NELL1: variants seen among roughly 807,000 people sequenced by gnomAD.
The protein encoded by NELL1 is protein kinase C-binding protein NELL1.
In NELL1, 76 loss-of-function variants were observed where a neutral mutation model predicts 107.4. That is an observed-to-expected ratio of 0.71 (90% CI 0.59 to 0.86). The LOEUF (loss-of-function observed/expected upper bound fraction) is 0.86, where lower values mean the gene tolerates loss of function less well. NELL1 is among the 40% of genes least tolerant of loss of function. The pLI is 0.00. For synonymous variants in NELL1, 353 were observed against 341.2 expected (o/e 1.03, Z -0.38); for missense variants, 1,024 against 1,005.5 (o/e 1.02, Z -0.25).
At chr11:21,413,941 A>G (rs1208169525) in intron 15 of NELL1, among the ~76,000 whole-genome samples, 1 of 152,098 alleles carries the variant, frequency 6.6e-6, no homozygotes, top group Non-Finnish European at 1.5e-5. Context: ...AGAGGAAATA[A>G]TAGAATGATC....
intron 2 of NELL1, among the ~76,000 whole-genome samples, chr11:20,743,075 G>A (rs1168653082): frequency 6.6e-6 from 1 of 151,954 alleles, no homozygotes; most frequent in Non-Finnish European, 1.5e-5. Flanking sequence ...GACTCTGGGT[G>A]GGCACGGGAG....
intron 14 of NELL1, among the ~76,000 whole-genome samples, chr11:21,268,231 T>A (rs563346114): frequency 2.0e-5 from 3 of 152,110 alleles, no homozygotes; most frequent in Non-Finnish European, 4.4e-5. Context: ...TAAAACTCCA[T>A]AGGGTCGGAG....
chr11:20,751,025 G>A (rs200054489), intron 2 of NELL1, among the ~76,000 whole-genome samples: 1 of 134,386 alleles, frequency 7.4e-6, no homozygotes, highest in Non-Finnish European at 1.6e-5. Context: ...ATTTGTCTAT[G>A]TGTGTGTGTG....
chr11:21,438,081 C>G (rs1853175377), intron 15 of NELL1, among the ~76,000 whole-genome samples: 1 of 152,028 alleles, frequency 6.6e-6, no homozygotes, highest in East Asian at 1.9e-4. Flanking sequence ...TTTATACTTT[C>G]TGTGTGATTT....
chr11:20,993,599 A>C (rs990090922), intron 12 of NELL1, among the ~76,000 whole-genome samples: 1 of 152,206 alleles, frequency 6.6e-6, no homozygotes, highest in East Asian at 1.9e-4. Context: ...CGGATGTTCA[A>C]GTCTTGGACA....
At chr11:21,101,736 T>C (rs372581114) in intron 12 of NELL1, among the ~76,000 whole-genome samples, 1 of 152,212 alleles carries the variant, frequency 6.6e-6, no homozygotes, top group East Asian at 1.9e-4. Flanking sequence ...ATTCTGGATA[T>C]TAGCCCTTTG....
At chr11:20,803,145 G>GT (rs948710149) in intron 3 of NELL1, among the ~76,000 whole-genome samples, 22 of 151,824 alleles carry the variant, frequency 1.4e-4, no homozygotes, top group African/African-American at 5.3e-4. Context: ...ATTGGTATTA[G>GT]TTTTTTTTAA....
At chr11:21,489,532 T>C (rs1854744668) in intron 15 of NELL1, among the ~76,000 whole-genome samples, 1 of 151,440 alleles carries the variant, frequency 6.6e-6, no homozygotes, top group South Asian at 2.1e-4. Context: ...AAATTAGATG[T>C]AAAAATCTTC....
intron 14 of NELL1, among the ~76,000 whole-genome samples, chr11:21,276,713 G>T (rs1287112664): frequency 1.3e-5 from 2 of 152,096 alleles, no homozygotes; most frequent in South Asian, 4.1e-4. Context: ...TAGACCAATG[G>T]AACAGAACGG....
intron 4 of NELL1, among the ~76,000 whole-genome samples, chr11:20,867,925 A>G (rs548821129): frequency 1.3e-5 from 2 of 152,330 alleles, no homozygotes; most frequent in African/African-American, 4.8e-5. Flanking sequence ...TGAATGAGAC[A>G]TTTATTTATT....
At position 21,484,062 on chromosome 11, in the gene NELL1, C is replaced by A. The variant is rs201277438; in HGVS notation, c.1646-50312C>A. Reference sequence around the variant, plus strand: ...AATGTGACCTCATTATATAAAATATCCTAAGTATTTAGCCAGCGTTAATAG... The same window carrying A: ...AATGTGACCTCATTATATAAAATATACTAAGTATTTAGCCAGCGTTAATAG... On this transcript the variant is annotated intron_variant, in intron 15 of 19. Coordinates refer to ENST00000357134, the MANE Select transcript of NELL1 (RefSeq NM_006157.5). 8.8e-5 allele frequency among the ~76,000 whole-genome samples: 11 copies of A among 125,374 alleles called. No homozygotes were observed. In the East Asian group the frequency reaches 2.3e-3, roughly 26 times the overall value. 82.3% of individuals were successfully genotyped at this position (125,374 alleles called of 152,430 possible).
intron 12 of NELL1, among the ~76,000 whole-genome samples, chr11:20,963,727 T>C (rs757369051): frequency 4.6e-5 from 7 of 152,238 alleles, no homozygotes; most frequent in South Asian, 4.1e-4. Flanking sequence ...TAAATACTTA[T>C]GAGCTGCTTG....
At chr11:21,573,135 A>C (rs900321401) in intron 18 of NELL1, 50 bp from the exon 19 acceptor site, 1 of 1,421,810 alleles carries the variant, frequency 7.0e-7, no homozygotes, top group African/African-American at 1.4e-5. Context: ...TTTGGGAATA[A>C]AATTATGCAT....
intron 13 of NELL1, among the ~76,000 whole-genome samples, chr11:21,188,852 C>T (rs1487323541): frequency 6.6e-6 from 1 of 151,816 alleles, no homozygotes. Context: ...CACAAACTTA[C>T]AAACATATAG....
At chr11:21,097,887 C>G (rs1854688271) in intron 12 of NELL1, among the ~76,000 whole-genome samples, 1 of 150,006 alleles carries the variant, frequency 6.7e-6, no homozygotes, top group African/African-American at 2.5e-5. Flanking sequence ...ACTAAGCAGT[C>G]AAGAAAACAC....
At chr11:21,134,985 G>A (rs58309207) in intron 13 of NELL1, among the ~76,000 whole-genome samples, 6 of 152,242 alleles carry the variant, frequency 3.9e-5, no homozygotes, top group Middle Eastern at 6.8e-3. Flanking sequence ...GTAAAAGACC[G>A]AATGCCTAGC....
chr11:20,751,755 A>G (rs1856145765), intron 2 of NELL1, among the ~76,000 whole-genome samples: 1 of 152,128 alleles, frequency 6.6e-6, no homozygotes, highest in South Asian at 2.1e-4. Context: ...CTTCTGAGTC[A>G]TTGGGATTAC....
chr11:20,753,581 C>T (rs146222853), intron 2 of NELL1, among the ~76,000 whole-genome samples: 36 of 152,260 alleles, frequency 2.4e-4, no homozygotes, highest in Non-Finnish European at 4.7e-4. Context: ...ATTAGGCCAC[C>T]ACCTCTTTAA....
intron 14 of NELL1, among the ~76,000 whole-genome samples, chr11:21,363,113 A>G (rs1326772711): frequency 1.3e-5 from 2 of 152,124 alleles, no homozygotes; most frequent in Admixed American, 6.5e-5. Context: ...ACTTCACTCA[A>G]GAAAATTTGT....
Sources: gnomAD v4.1 joint callset for allele counts (sites outside exome capture counted in the v4.1 genomes callset) on GRCh38, gnomAD v4.1.1 for gene constraint, MANE v1.5 for transcripts, NCBI Gene and HGNC (gene_info 2026-07-23, HGNC 2026-07-21) for gene names.